DOCK1: variants seen among roughly 807,000 people sequenced by gnomAD.
DOCK1 encodes dedicator of cytokinesis 1.
In DOCK1, 138 loss-of-function variants were observed where a neutral mutation model predicts 262.7. The ratio of observed to expected loss-of-function variants is 0.53; its 90% CI spans 0.46 to 0.61. The LOEUF is 0.61. DOCK1 is among the 20% of genes least tolerant of loss of function. The probability of loss-of-function intolerance (pLI) is 0.00; values close to 1 mark genes in which losing one functional copy is unlikely to be tolerated. For missense variants in DOCK1, 1,908 were observed against 2,370.7 expected (o/e 0.80, Z 4.05); for synonymous variants, 866 against 867.4 (o/e 1.00, Z 0.03).
chr10:127,214,941 A>T (rs2134372546), intron 27 of DOCK1, among the ~76,000 whole-genome samples: 1 of 152,266 alleles, frequency 6.6e-6, no homozygotes, highest in Non-Finnish European at 1.5e-5. Flanking sequence ...TGGTAGTGAG[A>T]ATCTAAGTAT....
chr10:127,269,664 G>C (rs2060490436), intron 29 of DOCK1, among the ~76,000 whole-genome samples: 1 of 152,202 alleles, frequency 6.6e-6, no homozygotes, highest in Non-Finnish European at 1.5e-5. Flanking sequence ...ATCTTGGAAG[G>C]ACAGAGCTGC....
intron 27 of DOCK1, among the ~76,000 whole-genome samples, chr10:127,143,386 G>A (rs1211219350): frequency 6.6e-6 from 1 of 152,162 alleles, no homozygotes; most frequent in Non-Finnish European, 1.5e-5. Context: ...GTCTTCCCCA[G>A]TGCTAACCGT....
chr10:126,981,127 T>C (rs1490342751), intron 3 of DOCK1, among the ~76,000 whole-genome samples: 4 of 152,102 alleles, frequency 2.6e-5, no homozygotes, highest in South Asian at 2.1e-4. Context: ...TTTGTATTTT[T>C]AGTAGAGATG....
At chr10:127,308,770 C>CT (rs1464401757) in intron 29 of DOCK1, among the ~76,000 whole-genome samples, 1 of 152,092 alleles carries the variant, frequency 6.6e-6, no homozygotes, top group Non-Finnish European at 1.5e-5. Context: ...TGAACTCATT[C>CT]TTTTTTTATG....
At chr10:127,094,626 C>T (rs576025875) in intron 23 of DOCK1, among the ~76,000 whole-genome samples, 9 of 152,294 alleles carry the variant, frequency 5.9e-5, no homozygotes, top group East Asian at 5.8e-4. Context: ...CATTTTGCCT[C>T]GTTCCTGCAT....
intron 22 of DOCK1, among the ~76,000 whole-genome samples, chr10:127,055,179 A>G (rs543563613): frequency 3.6e-4 from 54 of 151,696 alleles, no homozygotes; most frequent in African/African-American, 1.2e-3. Context: ...TTTTTTAGTC[A>G]CATAATGTGC....
At chr10:127,023,631 TA>T in intron 14 of DOCK1, among the ~76,000 whole-genome samples, 1 of 151,562 alleles carries the variant, frequency 6.6e-6, no homozygotes, top group East Asian at 1.9e-4. Context: ...GGCTAATTTT[TA>T]TATTTTTTAG....
intron 12 of DOCK1, among the ~76,000 whole-genome samples, chr10:127,017,136 C>G (rs1034608590): frequency 1.0e-5 from 1 of 95,902 alleles, no homozygotes; most frequent in Non-Finnish European, 2.2e-5. Context: ...AACAGACATA[C>G]ACACACAGAT....
intron 29 of DOCK1, among the ~76,000 whole-genome samples, chr10:127,297,632 C>CA (rs1318035531): frequency 6.6e-6 from 1 of 152,182 alleles, no homozygotes; most frequent in Non-Finnish European, 1.5e-5. Context: ...AAGCACCTCT[C>CA]AATCATGCTA....
At chr10:127,277,273 A>G (rs1050228350) in intron 29 of DOCK1, among the ~76,000 whole-genome samples, 1 of 152,234 alleles carries the variant, frequency 6.6e-6, no homozygotes, top group African/African-American at 2.4e-5. Context: ...ATGAGGCAGC[A>G]GATCATTAAG....
rs753452292 is a variant in DOCK1 at position 127,148,549 on chromosome 10, G to A, written c.2847+20785G>A. ...TATGTTACAAATTAACCATTTCAGC[G>A]AAGGAGAGAATGGCTGGTTTGCCGA... On this transcript the variant is annotated intron_variant, in intron 27 of 51. Coordinates refer to ENST00000623213, the MANE Select transcript of DOCK1 (RefSeq NM_001290223.2). 9.2e-5 allele frequency among the ~76,000 whole-genome samples: 14 copies of A among 152,244 alleles called. No homozygotes were observed. The South Asian group carries it at 2.3e-3, about 25-fold the overall frequency.
At chr10:127,444,084 A>G (rs911989922) in intron 49 of DOCK1, 42 bp from the exon 50 acceptor site, 18 of 1,550,036 alleles carry the variant, frequency 1.2e-5, no homozygotes, top group Middle Eastern at 1.7e-4. Flanking sequence ...AACTCAGCCC[A>G]TAACAGACCG....
intron 47 of DOCK1, among the ~76,000 whole-genome samples, chr10:127,432,978 G>A (rs1413558022): frequency 6.6e-6 from 1 of 152,092 alleles, no homozygotes; most frequent in African/African-American, 2.4e-5. Flanking sequence ...CTTTCTGGTC[G>A]GCACATTCTC....
chr10:127,247,952 T>G lies in DOCK1; in HGVS notation c.2848-56T>G, dbSNP rs549654742. ...TCCCAGAATCTGGGATGATTTCGGCTTTTCCCATGAGTGTTGCTCTGTCTC... is the reference window on the plus strand; with the variant it reads ...TCCCAGAATCTGGGATGATTTCGGCGTTTCCCATGAGTGTTGCTCTGTCTC... On this transcript the variant is annotated intron_variant, in intron 27 of 51. Coordinates refer to ENST00000623213, the MANE Select transcript of DOCK1 (RefSeq NM_001290223.2). 12 of 1,561,856 alleles carry G rather than the reference T, an allele frequency of 7.7e-6. No individual in the cohort carries two copies. The African/African-American group carries it at 1.6e-4, about 21-fold the overall frequency.
intron 29 of DOCK1, among the ~76,000 whole-genome samples, chr10:127,306,059 A>C (rs770104172): frequency 6.7e-6 from 1 of 149,548 alleles, no homozygotes; most frequent in Admixed American, 6.7e-5. Context: ...CTGTCACCCA[A>C]GCTGCAGTGC....
chr10:127,036,138 C>T (rs1414341207), intron 18 of DOCK1, among the ~76,000 whole-genome samples: 1 of 152,184 alleles, frequency 6.6e-6, no homozygotes, highest in Non-Finnish European at 1.5e-5. Context: ...GCTTTCTACA[C>T]GTCATGTCAG....
At chr10:127,201,183 G>A (rs2057439756) in intron 27 of DOCK1, among the ~76,000 whole-genome samples, 1 of 152,224 alleles carries the variant, frequency 6.6e-6, no homozygotes, top group South Asian at 2.1e-4. Context: ...TTTCTGCCGA[G>A]AAGCCCTGCA....
chr10:127,261,103 CTGCATGTGTG>C (rs573005477), intron 29 of DOCK1, among the ~76,000 whole-genome samples: 20 of 109,458 alleles, frequency 1.8e-4, no homozygotes, highest in African/African-American at 7.4e-4. Context: ...GTGTGTGTAC[CTGCATGTGTG>C]TGCATGTGTG....
intron 11 of DOCK1, among the ~76,000 whole-genome samples, chr10:127,009,269 GT>G (rs1040564644): frequency 6.6e-6 from 1 of 152,128 alleles, no homozygotes; most frequent in African/African-American, 2.4e-5. Context: ...TTGTGTCTCG[GT>G]TTTTGCTTAG....
Sources: allele counts gnomAD v4.1 joint callset (sites outside exome capture counted in the v4.1 genomes callset), GRCh38; gene constraint gnomAD v4.1.1; transcripts MANE v1.5; gene names NCBI Gene and HGNC (gene_info 2026-07-23, HGNC 2026-07-21).